The following ZNF860 variants were observed in gnomAD, a reference collection of about 807,000 sequenced individuals.
ZNF860 encodes the protein zinc finger protein 860.
For missense variants in ZNF860, 641 were observed against 759.2 expected, an observed-to-expected ratio of 0.84 and a Z score of 1.83; for synonymous variants, 206 against 248.9, an observed-to-expected ratio of 0.83 and a Z score of 1.62.
intron 1 of ZNF860, among the ~76,000 whole-genome samples, chr3:31,984,367 T>C (rs1559542590): frequency 6.7e-6 from 1 of 149,734 alleles, no homozygotes; most frequent in Non-Finnish European, 1.5e-5. Flanking sequence ...TTTTTAAGGA[T>C]AGTTTGGTGG....
chr3:31,987,115 TACAC>T (rs71628591), intron 1 of ZNF860, among the ~76,000 whole-genome samples: 20 of 151,238 alleles, frequency 1.3e-4, no homozygotes, highest in Admixed American at 2.6e-4. Context: ...TGTATGTGTA[TACAC>T]ACACACACAC....
chr3:31,984,798 C>G (rs753061706), intron 1 of ZNF860, among the ~76,000 whole-genome samples: 1 of 152,204 alleles, frequency 6.6e-6, no homozygotes, highest in African/African-American at 2.4e-5. Context: ...TAGGGTTAGA[C>G]TATGAACTAA....
rs759947074 is a variant in ZNF860 at position 31,989,523 on chromosome 3, C to T, written c.444C>T (p.Asn148=). 1 of 1,614,060 alleles carries T rather than the reference C, an allele frequency of 6.2e-7. No homozygotes were observed. The highest frequency in any genetic ancestry group is 8.5e-7 in the Non-Finnish European group (1 of 1,180,034). ...GATATGATCGAAGGCATCCTGGAAA[C>T]AAGCCTATCAAAGATCAGCTTGGAT... ...TDRYDRRHPG[N]KPIKDQLGLS... Residue 148 remains asparagine, a synonymous_variant, in exon 2 of 2, where the codon AAC becomes AAT. Coordinates refer to ENST00000360311, the MANE Select transcript of ZNF860 (RefSeq NM_001137674.3).
the ZNF860 span, among the ~76,000 whole-genome samples, chr3:31,998,933 T>A: frequency 6.6e-6 from 1 of 152,358 alleles, no homozygotes; most frequent in African/African-American, 2.4e-5. Context: ...CACTTTAGTA[T>A]AAGTGGATAT....
At position 31,990,198 on chromosome 3, in the gene ZNF860, T is replaced by C. The variant is rs1699005471; in HGVS notation, c.1119T>C (p.Asn373=). Residue 373 remains asparagine (N), a synonymous_variant, in exon 2 of 2, where the codon AAT becomes AAC. Coordinates refer to ENST00000360311, the MANE Select transcript of ZNF860 (RefSeq NM_001137674.3). The part of the protein sequence containing the change: ...IHTGEKPYKC[N]ECGKAFSGQS... ...CTGGAGAGAAACCTTACAAGTGTAA[T>C]GAGTGTGGCAAAGCCTTTAGTGGGC... The C allele has an allele frequency of 6.2e-7, 1 of 1,614,032 alleles. No homozygotes were observed. Among genetic ancestry groups the C allele is most frequent in the East Asian group, 2.2e-5 (1 of 44,876 alleles).
In ZNF860 at chr3:31,989,800, T is replaced by A; in HGVS notation, c.721T>A (p.Cys241Ser). The change falls in exon 2 of 2, where the codon TGT (cysteine) becomes AGT (serine). Residue 241 changes from cysteine (C) to serine (S), a missense_variant. Transcript: ENST00000360311. ...QCNESGKAFN[C>S]SSLLRKHQII... Reference sequence around the variant, plus strand: ...TAATGAGAGTGGCAAAGCCTTTAATTGTAGCTCACTCTTAAGGAAACATCA... The same window carrying A: ...TAATGAGAGTGGCAAAGCCTTTAATAGTAGCTCACTCTTAAGGAAACATCA... 1 of 1,613,918 alleles carries A rather than the reference T, an allele frequency of 6.2e-7. No individual in the cohort carries two copies. Among genetic ancestry groups the A allele is most frequent in the Non-Finnish European group, 8.5e-7 (1 of 1,179,930 alleles).
rs192413391 is a variant in ZNF860, at chr3:31,989,966, A to G, written c.887A>G (p.Asn296Ser). The G allele has an allele frequency of 3.2e-3, 5,116 of 1,614,032 alleles. 7 individuals carry two copies. Among genetic ancestry groups the G allele is most frequent in the Non-Finnish European group, 4.0e-3 (4,701 of 1,179,984 alleles). ...TGTAATGAATGTGGCAAGGTTTTTAATCAACAATCAAACCTTGCAAGTCAT... is the reference window on the plus strand; with the variant it reads ...TGTAATGAATGTGGCAAGGTTTTTAGTCAACAATCAAACCTTGCAAGTCAT... ...YKCNECGKVFNQQSNLASHHR... is the reference protein window; with the variant it reads ...YKCNECGKVFSQQSNLASHHR... Residue 296 changes from asparagine (N) to serine (S), a missense_variant, in exon 2 of 2, where the codon AAT (asparagine) becomes AGT (serine). Physicochemically the swap from Asn to Ser is conservative, Grantham distance 46. Transcript: ENST00000360311.
downstream of ZNF860, among the ~76,000 whole-genome samples, chr3:31,992,446 T>C (rs1448944786): frequency 1.3e-5 from 2 of 152,152 alleles, no homozygotes; most frequent in Non-Finnish European, 2.9e-5. Flanking sequence ...AGTAGAGCCA[T>C]GTTGATTCTG....
chr3:31,999,199 G>T, the ZNF860 span, among the ~76,000 whole-genome samples: 1 of 152,124 alleles, frequency 6.6e-6, no homozygotes, highest in Non-Finnish European at 1.5e-5. Context: ...ATCAGGTGTG[G>T]CATGTAGCAA....
At position 31,990,608 on chromosome 3, in the gene ZNF860, A is replaced by G. The variant is rs1478673881; in HGVS notation, c.1529A>G (p.Tyr510Cys). Residue 510 changes from tyrosine to cysteine, a missense_variant, in exon 2 of 2, where the codon TAC (tyrosine) becomes TGC (cysteine). Coordinates refer to ENST00000360311, the MANE Select transcript of ZNF860 (RefSeq NM_001137674.3). ...GCAATTCATACTGGAGAGAAACCTT[A>G]CAAGTGTAATGAATGTGGCAAGGTT... is the stretch of plus-strand genomic sequence containing the variant. ...HKAIHTGEKP[Y>C]KCNECGKVFN... 5 of 1,614,062 alleles carry G rather than the reference A, an allele frequency of 3.1e-6. 1 individual carries two copies. The Admixed American group carries it at 6.7e-5, about 22-fold the overall frequency.
At chr3:31,988,108 C>G (rs919928052) in intron 1 of ZNF860, among the ~76,000 whole-genome samples, 1 of 152,216 alleles carries the variant, frequency 6.6e-6, no homozygotes, top group Non-Finnish European at 1.5e-5. Flanking sequence ...CCTTGGACCA[C>G]TGATCGCTTT....
At chr3:31,998,583 C>T in the ZNF860 span, among the ~76,000 whole-genome samples, 6 of 152,178 alleles carry the variant, frequency 3.9e-5, no homozygotes, top group East Asian at 9.6e-4. Flanking sequence ...TTATCTGTCC[C>T]TTTCATTGGA....
chr3:31,987,493 C>T (rs148300710), intron 1 of ZNF860, among the ~76,000 whole-genome samples: 309 of 152,292 alleles, frequency 2.0e-3, no homozygotes, highest in African/African-American at 7.0e-3. Flanking sequence ...ATAAATGTGG[C>T]TCATGTACTA....
rs1698980725 is a variant in ZNF860 at position 31,988,835 on chromosome 3, C to A, written c.-245C>A. 1 of 556,018 alleles carries A rather than the reference C, an allele frequency of 1.8e-6. No individual in the cohort carries two copies. The highest frequency in any genetic ancestry group is 3.0e-5 in the East Asian group (1 of 33,446). The allele number at this position is 556,018 out of a possible 1,614,324, so 34.4% of individuals were successfully genotyped here. A position where few individuals can be genotyped will look rare whatever the true frequency, so the allele number is the denominator to read the frequency against. The stretch of plus-strand genomic sequence containing the variant: ...TGGAAGTAGGTTGTCACCAGTCAAG[C>A]CTTGAGATGACTGCAGCCATGACCC... On this transcript the variant is annotated 5_prime_UTR_variant, in exon 2 of 2. Transcript: ENST00000360311.
At chr3:31,984,834 T>G (rs1329165927) in intron 1 of ZNF860, among the ~76,000 whole-genome samples, 1 of 152,242 alleles carries the variant, frequency 6.6e-6, no homozygotes, top group African/African-American at 2.4e-5. Context: ...AGCTGTGGCC[T>G]GTGCCCGGGA....
chr3:31,988,884 G>T lies in ZNF860; in HGVS notation c.-196G>T. The T allele has an allele frequency of 1.5e-6, 1 of 661,350 alleles. No homozygotes were observed. The highest frequency in any genetic ancestry group is 2.7e-5 in the East Asian group (1 of 36,494). The allele number at this position is 661,350 out of a possible 1,614,324, so 41.0% of individuals were successfully genotyped here. The stretch of plus-strand genomic sequence containing the variant: ...CCACAGCTTGACTACAACCCAGAGA[G>T]ACACTGAGCCAGGAACACCCAGCTG... On this transcript the variant is annotated 5_prime_UTR_variant, in exon 2 of 2. Transcript: ENST00000360311.
intron 1 of ZNF860, chr3:31,986,414 G>A (rs1230387500): frequency 6.6e-6 from 1 of 152,124 alleles, no homozygotes; most frequent in Non-Finnish European, 1.5e-5. Flanking sequence ...ATTAAGGTAT[G>A]GACAGTCCAC....
intron 1 of ZNF860, among the ~76,000 whole-genome samples, chr3:31,982,480 T>G (rs1388263112): frequency 6.6e-6 from 1 of 152,060 alleles, no homozygotes; most frequent in Non-Finnish European, 1.5e-5. Flanking sequence ...AATGGAAAAG[T>G]CAGCTCTCAA....
intron 1 of ZNF860, among the ~76,000 whole-genome samples, chr3:31,983,426 A>G (rs1348616492): frequency 6.6e-6 from 1 of 152,246 alleles, no homozygotes; most frequent in African/African-American, 2.4e-5. Context: ...AGCTAGCACA[A>G]CAAATTCTCA....
Sources: gnomAD v4.1 joint callset for allele counts (sites outside exome capture counted in the v4.1 genomes callset) on GRCh38, gnomAD v4.1.1 for gene constraint, MANE v1.5 for transcripts, NCBI Gene and HGNC (gene_info 2026-07-23, HGNC 2026-07-21) for gene names.